The following WWOX variants were observed in gnomAD, a reference collection of about 807,000 sequenced individuals.
WWOX encodes WW domain containing oxidoreductase, also known as WW domain-containing oxidoreductase.
Under a neutral mutation model 46.2 loss-of-function variants are expected in WWOX, and 69 were observed. The ratio of observed to expected loss-of-function variants is 1.49; its 90% CI spans 1.23 to 1.82. WWOX has a LOEUF of 1.82. WWOX is among the 40% of genes most tolerant of loss of function. The pLI, the probability that WWOX is intolerant of heterozygous loss-of-function variation, is 0.00. For missense variants in WWOX, 919 were observed against 542.6 expected (o/e 1.69, Z -6.89); for synonymous variants, 359 against 202.6 (o/e 1.77, Z -6.56).
chr16:78,662,695 T>C (rs2047245169), intron 8 of WWOX, among the ~76,000 whole-genome samples: 1 of 152,224 alleles, frequency 6.6e-6, no homozygotes, highest in East Asian at 1.9e-4. Context: ...GTTCAGCATC[T>C]CTTGCAGGCT....
chr16:78,974,446 A>G (rs1275041131), intron 8 of WWOX, among the ~76,000 whole-genome samples: 2 of 152,210 alleles, frequency 1.3e-5, no homozygotes, highest in Non-Finnish European at 2.9e-5. Flanking sequence ...TTCAGCCTCA[A>G]GTTCCACAAC....
At chr16:78,916,760 A>G (rs987815541) in intron 8 of WWOX, among the ~76,000 whole-genome samples, 1 of 152,220 alleles carries the variant, frequency 6.6e-6, no homozygotes, top group Admixed American at 6.5e-5. Context: ...AATTCTGGGA[A>G]AGTTTATCCA....
chr16:79,008,343 C>G (rs1207728982), intron 8 of WWOX, among the ~76,000 whole-genome samples: 1 of 152,180 alleles, frequency 6.6e-6, no homozygotes, highest in Non-Finnish European at 1.5e-5. Context: ...TTAGATCAGT[C>G]CCACTTAGGA....
chr16:78,668,697 T>G (rs1230022934), intron 8 of WWOX, among the ~76,000 whole-genome samples: 1 of 152,056 alleles, frequency 6.6e-6, no homozygotes, highest in African/African-American at 2.4e-5. Context: ...TCAGATGGGC[T>G]TTGGAATCTA....
At chr16:78,226,400 C>A (rs1034875695) in intron 5 of WWOX, among the ~76,000 whole-genome samples, 66 of 150,280 alleles carry the variant, frequency 4.4e-4, no homozygotes, top group African/African-American at 1.6e-3. Flanking sequence ...TTTTTTTTTT[C>A]TGATGCTGCC....
chr16:79,031,932 C>G (rs1398355326), intron 8 of WWOX, among the ~76,000 whole-genome samples: 2 of 72,096 alleles, frequency 2.8e-5, no homozygotes, highest in African/African-American at 7.0e-5. Context: ...ATATAGATAT[C>G]TGTATACAGA....
intron 5 of WWOX, among the ~76,000 whole-genome samples, chr16:78,356,732 A>G (rs1467563820): frequency 6.6e-6 from 1 of 152,106 alleles, no homozygotes; most frequent in Non-Finnish European, 1.5e-5. Context: ...AATAGAAAAA[A>G]TTAGCCGGGC....
intron 8 of WWOX, among the ~76,000 whole-genome samples, chr16:79,005,335 C>T (rs1010487047): frequency 6.6e-6 from 1 of 152,158 alleles, no homozygotes; most frequent in East Asian, 1.9e-4. Flanking sequence ...CATTTACTCC[C>T]CAGGCTAAGC....
intron 8 of WWOX, among the ~76,000 whole-genome samples, chr16:78,521,236 A>C (rs1259827460): frequency 1.3e-5 from 2 of 152,170 alleles, no homozygotes; most frequent in African/African-American, 4.8e-5. Flanking sequence ...TATTTAAAGT[A>C]ATTAGAGACG....
intron 8 of WWOX, among the ~76,000 whole-genome samples, chr16:79,029,933 G>A (rs2151393943): frequency 6.6e-6 from 1 of 152,300 alleles, no homozygotes; most frequent in South Asian, 2.1e-4. Context: ...TATAATAGGG[G>A]CCAAGAGCCG....
chr16:79,189,175 T>A (rs1007836341), intron 8 of WWOX, among the ~76,000 whole-genome samples: 1 of 152,212 alleles, frequency 6.6e-6, no homozygotes, highest in Non-Finnish European at 1.5e-5. Context: ...TGGTCTGTCG[T>A]CTTCCATAAT....
intron 8 of WWOX, among the ~76,000 whole-genome samples, chr16:78,603,856 A>G (rs937466318): frequency 2.2e-4 from 33 of 152,134 alleles, no homozygotes; most frequent in African/African-American, 7.0e-4. Flanking sequence ...CAAAAATTAG[A>G]AGCTGGCTGA....
chr16:78,588,184 G>T (rs559142372), intron 8 of WWOX, among the ~76,000 whole-genome samples: 1 of 152,266 alleles, frequency 6.6e-6, no homozygotes, highest in South Asian at 2.1e-4. Flanking sequence ...CCCCTGGGTG[G>T]CTCCATTGCT....
chr16:78,953,837 C>A (rs13332886), intron 8 of WWOX, among the ~76,000 whole-genome samples: 4,749 of 152,274 alleles, frequency 0.031, 258 homozygotes, highest in African/African-American at 0.11. Flanking sequence ...GAGCCACTCT[C>A]CACTCTCCTG....
intron 8 of WWOX, among the ~76,000 whole-genome samples, chr16:78,497,951 A>C (rs9938201): frequency 0.75 from 113,808 of 151,310 alleles, 45,245 homozygotes; most frequent in Admixed American, 0.87. Flanking sequence ...GCCTGTAATG[A>C]CAGCACTTTG....
chr16:78,326,897 G>T (rs2080635559), intron 5 of WWOX, among the ~76,000 whole-genome samples: 1 of 152,066 alleles, frequency 6.6e-6, no homozygotes. Flanking sequence ...CTTGAATACT[G>T]AAGTTTCTCA....
chr16:78,888,394 G>T (rs142063201), intron 8 of WWOX, among the ~76,000 whole-genome samples: 6 of 152,146 alleles, frequency 3.9e-5, no homozygotes, highest in Non-Finnish European at 7.3e-5. Context: ...TTGGGTCCCT[G>T]TTGTTCCAGG....
intron 8 of WWOX, among the ~76,000 whole-genome samples, chr16:78,589,885 C>G (rs2045310247): frequency 6.6e-6 from 1 of 152,080 alleles, no homozygotes; most frequent in Non-Finnish European, 1.5e-5. Flanking sequence ...TGGAAAACTC[C>G]AGGGGAAGAG....
intron 8 of WWOX, among the ~76,000 whole-genome samples, chr16:78,822,419 A>G (rs2051524573): frequency 6.6e-6 from 1 of 152,184 alleles, no homozygotes; most frequent in African/African-American, 2.4e-5. Flanking sequence ...GCTTGAACCC[A>G]GGAGGCAGGG....
Sources: gnomAD v4.1 joint callset for allele counts (sites outside exome capture counted in the v4.1 genomes callset) on GRCh38, gnomAD v4.1.1 for gene constraint, MANE v1.5 for transcripts, NCBI Gene and HGNC (gene_info 2026-07-23, HGNC 2026-07-21) for gene names.